STK33: variants seen among roughly 807,000 people sequenced by gnomAD.
STK33 encodes the protein serine/threonine kinase 33, also known as serine/threonine-protein kinase 33.
A neutral mutation model predicts 58.0 loss-of-function variants in STK33; 52 were observed. The observed-to-expected ratio is 0.90, with a 90% CI of 0.72 to 1.13. STK33 has a LOEUF of 1.13. Among genes scored for constraint, STK33 ranks in the 50% most tolerant of loss-of-function variants. STK33 has a pLI of 0.00. For missense variants in STK33, 630 were observed against 604.2 expected (o/e 1.04, Z -0.45); for synonymous variants, 215 against 200.1 (o/e 1.07, Z -0.63).
chr11:8,337,218 T>C, the STK33 span, among the ~76,000 whole-genome samples: 1 of 152,210 alleles, frequency 6.6e-6, no homozygotes, highest in African/African-American at 2.4e-5. Flanking sequence ...CAAATCTAAA[T>C]TACCGTCCTC....
At chr11:8,427,735 T>C (rs976300813) in intron 14 of STK33, among the ~76,000 whole-genome samples, 1 of 152,246 alleles carries the variant, frequency 6.6e-6, no homozygotes, top group African/African-American at 2.4e-5. Flanking sequence ...ATGTATCCTA[T>C]ATCACTGCAT....
the STK33 span, among the ~76,000 whole-genome samples, chr11:8,354,051 G>A: frequency 1.2e-3 from 178 of 152,284 alleles, 5 homozygotes; most frequent in South Asian, 0.036. Flanking sequence ...CTGGGCACGA[G>A]TGTCCTGCCC....
At chr11:8,369,034 T>C in the STK33 span, among the ~76,000 whole-genome samples, 1 of 152,214 alleles carries the variant, frequency 6.6e-6, no homozygotes, top group Admixed American at 6.5e-5. Flanking sequence ...TGGGCAGCCA[T>C]GGAAGGGTCG....
chr11:8,519,104 T>C (rs917364516), intron 1 of STK33, among the ~76,000 whole-genome samples: 2 of 152,128 alleles, frequency 1.3e-5, no homozygotes, highest in South Asian at 2.1e-4. Flanking sequence ...AAGCACTCCT[T>C]AGCAAATGTA....
intron 1 of STK33, among the ~76,000 whole-genome samples, chr11:8,489,711 T>C (rs1479519571): frequency 1.3e-5 from 2 of 152,236 alleles, no homozygotes; most frequent in Non-Finnish European, 2.9e-5. Flanking sequence ...CAATTAACTT[T>C]CCAGCACATA....
At chr11:8,400,521 T>C (rs1007737990) in intron 15 of STK33, among the ~76,000 whole-genome samples, 1 of 152,176 alleles carries the variant, frequency 6.6e-6, no homozygotes, top group Non-Finnish European at 1.5e-5. Flanking sequence ...TCATAATGAA[T>C]GGGCAAAAAC....
chr11:8,424,351 G>A (rs1261192263), intron 14 of STK33, among the ~76,000 whole-genome samples: 1 of 149,816 alleles, frequency 6.7e-6, no homozygotes, highest in East Asian at 1.9e-4. Context: ...GTATTCCATG[G>A]TGTATATGTA....
Position 8,496,644 on chromosome 11 carries a change from G to A in STK33, c.-465-16030C>T, listed in dbSNP as rs563876778. ...GGCTGGAGTGCAGTGGCGTGATCTC[G>A]GCTCACTGCAAGCTCCGCCTCCCAG... On this transcript the variant is annotated intron_variant, in intron 1 of 15. Coordinates refer to ENST00000687296, the MANE Select transcript of STK33 (RefSeq NM_001352389.2). 2.7e-5 allele frequency among the ~76,000 whole-genome samples: 4 copies of A among 150,190 alleles called. No individual in the cohort carries two copies. The East Asian group carries it at 7.8e-4, about 29-fold the overall frequency.
At chr11:8,554,283 G>C (rs1956571041) in intron 1 of STK33, among the ~76,000 whole-genome samples, 1 of 149,084 alleles carries the variant, frequency 6.7e-6, no homozygotes, top group Non-Finnish European at 1.5e-5. Context: ...GCCAAGCATG[G>C]TGGCATGCAC....
At chr11:8,557,587 G>A (rs188504851) in intron 1 of STK33, among the ~76,000 whole-genome samples, 9 of 151,916 alleles carry the variant, frequency 5.9e-5, no homozygotes, top group African/African-American at 1.7e-4. Context: ...AATAAGGAAC[G>A]GAACCTGGAC....
At chr11:8,423,026 G>T (rs1324733195) in intron 14 of STK33, among the ~76,000 whole-genome samples, 1 of 149,296 alleles carries the variant, frequency 6.7e-6, no homozygotes, top group Non-Finnish European at 1.5e-5. Flanking sequence ...ATTTTTTGTA[G>T]GGACAGGGTC....
intron 1 of STK33, among the ~76,000 whole-genome samples, chr11:8,488,996 C>A (rs995284494): frequency 7.9e-5 from 12 of 151,996 alleles, no homozygotes; most frequent in Admixed American, 7.9e-4. Flanking sequence ...TGGTGGCTCA[C>A]GCCTATAAAC....
chr11:8,384,205 T>C, the STK33 span, among the ~76,000 whole-genome samples: 3 of 150,158 alleles, frequency 2.0e-5, no homozygotes, highest in Non-Finnish European at 4.5e-5. Flanking sequence ...ATTAATCTGT[T>C]TTATTATTAT....
chr11:8,454,925 C>A, intron 9 of STK33, 93 bp from the exon 10 acceptor site: 1 of 1,256,652 alleles, frequency 8.0e-7, no homozygotes, highest in Non-Finnish European at 1.0e-6. Context: ...AAATTAATAT[C>A]CGCTGTTGAA....
At chr11:8,361,888 T>C in the STK33 span, among the ~76,000 whole-genome samples, 2 of 152,242 alleles carry the variant, frequency 1.3e-5, no homozygotes, top group African/African-American at 4.8e-5. The surrounding 1 kb of genome is among the most constrained non-coding windows in gnomAD (Gnocchi z 4.8). Context: ...CAGGAGCCTG[T>C]GCTCACGCGG....
intron 1 of STK33, among the ~76,000 whole-genome samples, chr11:8,540,855 T>C (rs1172954478): frequency 6.6e-6 from 1 of 152,078 alleles, no homozygotes; most frequent in Non-Finnish European, 1.5e-5. Flanking sequence ...TCAAATTGTA[T>C]TATATTAGAC....
intron 1 of STK33, among the ~76,000 whole-genome samples, chr11:8,560,286 C>T (rs533759059): frequency 4.6e-5 from 7 of 152,208 alleles, no homozygotes; most frequent in African/African-American, 1.7e-4. Flanking sequence ...ACTTTTTCAT[C>T]TTTCTCAATT....
intron 11 of STK33, among the ~76,000 whole-genome samples, chr11:8,447,014 C>T (rs992397967): frequency 1.3e-5 from 2 of 152,166 alleles, no homozygotes; most frequent in Non-Finnish European, 2.9e-5. Flanking sequence ...AAGAAACTAT[C>T]ATCAGAGTGA....
In STK33 at chr11:8,592,493, C is replaced by T. The variant is rs1016647654; in HGVS notation, c.-466+1590G>A. Among the ~76,000 whole-genome samples the T allele has an allele frequency of 3.3e-5, 5 of 152,236 alleles. No individual in the cohort carries two copies. The South Asian group carries it at 8.3e-4, about 25-fold the overall frequency. On this transcript the variant is annotated intron_variant, in intron 1 of 15. Coordinates refer to ENST00000687296, the MANE Select transcript of STK33 (RefSeq NM_001352389.2). ...GCTAATATGGGTGTCATAAAACTGA[C>T]GGTGGCAATGTAAATTGGCATAATC...
Sources: allele counts gnomAD v4.1 joint callset (sites outside exome capture counted in the v4.1 genomes callset), GRCh38; gene constraint gnomAD v4.1.1; non-coding constraint Gnocchi (gnomAD v3.1); transcripts MANE v1.5; gene names NCBI Gene and HGNC (gene_info 2026-07-23, HGNC 2026-07-21).